RXRA: variants seen among roughly 807,000 people sequenced by gnomAD.
The protein encoded by RXRA is retinoid X receptor alpha.
Under a neutral mutation model 44.5 loss-of-function variants are expected in RXRA, and 5 were observed. That is an observed-to-expected ratio of 0.11 (90% CI 0.06 to 0.24). The LOEUF is 0.24. Ranked by LOEUF, RXRA falls within the 10% of genes least tolerant of loss-of-function variation. The pLI is 1.00. For synonymous variants in RXRA, 291 were observed against 271.4 expected (o/e 1.07, Z -0.71); for missense variants, 412 against 646.5 (o/e 0.64, Z 3.93).
chr9:134,428,503 G>A (rs1421422804), intron 6 of RXRA, among the ~76,000 whole-genome samples: 7 of 89,102 alleles, frequency 7.9e-5, no homozygotes, highest in Admixed American at 3.2e-4. Flanking sequence ...AGGGGCTGCT[G>A]TTACCTAACC....
chr9:134,402,411 C>A (rs1830979181), intron 2 of RXRA: 1 of 154,140 alleles, frequency 6.5e-6, no homozygotes, highest in African/African-American at 2.4e-5. Flanking sequence ...TCTCGGCTCC[C>A]CCACGGCTCT....
At chr9:134,392,181 G>A (rs1253226913) in intron 1 of RXRA, among the ~76,000 whole-genome samples, 1 of 152,200 alleles carries the variant, frequency 6.6e-6, no homozygotes, top group Non-Finnish European at 1.5e-5. Context: ...GCTTCCTGGT[G>A]GCCCCACGCC....
chr9:134,411,561 C>T (rs1831149120), intron 4 of RXRA, among the ~76,000 whole-genome samples: 1 of 152,254 alleles, frequency 6.6e-6, no homozygotes, highest in African/African-American at 2.4e-5. Flanking sequence ...GTCCTTCCTG[C>T]TTCCAGTCCT....
At chr9:134,327,780 G>A (rs782690766) in intron 1 of RXRA, among the ~76,000 whole-genome samples, 9 of 152,060 alleles carry the variant, frequency 5.9e-5, no homozygotes, top group Admixed American at 1.3e-4. Context: ...TGGATGTGAG[G>A]GTGAGAGTCT....
rs1464359441 is a variant in RXRA at position 134,417,674 on chromosome 9, G to T, written c.780+347G>T. 1.3e-5 allele frequency among the ~76,000 whole-genome samples: 2 copies of T among 152,128 alleles called. No homozygotes were observed. The highest frequency in any genetic ancestry group is 3.9e-4 in the East Asian group (2 of 5,186). On this transcript the variant is annotated intron_variant, in intron 5 of 9. Transcript: ENST00000481739. This position sits in a 1 kb window ranked among gnomAD's most constrained non-coding sequence, Gnocchi z 6.1. ...GAGTTTGGCCTGTCTCGGTGCAGAG[G>T]CTGTCCCTGCTCCCCGGTGCCACTT...
intron 1 of RXRA, among the ~76,000 whole-genome samples, chr9:134,401,023 C>T (rs34488070): frequency 1.9e-4 from 29 of 152,210 alleles, no homozygotes; most frequent in South Asian, 2.1e-4. Flanking sequence ...GGTCAGCAGG[C>T]GCCGCCAGTC....
intron 7 of RXRA, among the ~76,000 whole-genome samples, chr9:134,431,327 G>A (rs1400873416): frequency 6.6e-6 from 1 of 152,260 alleles, no homozygotes; most frequent in Non-Finnish European, 1.5e-5. Context: ...GGAGGGAGCT[G>A]GCGGGCTTTC....
intron 1 of RXRA, among the ~76,000 whole-genome samples, chr9:134,391,145 A>T (rs1055365493): frequency 6.6e-6 from 1 of 152,170 alleles, no homozygotes; most frequent in African/African-American, 2.4e-5. Context: ...GGCCGGCCCC[A>T]TGCCAGGCCC....
intron 1 of RXRA, among the ~76,000 whole-genome samples, chr9:134,345,260 T>C (rs530273832): frequency 7.2e-5 from 11 of 152,324 alleles, no homozygotes; most frequent in African/African-American, 2.4e-4. Flanking sequence ...AGCCCACGGC[T>C]GTGCTGGCTC....
intron 1 of RXRA, among the ~76,000 whole-genome samples, chr9:134,362,172 G>A (rs72619345): frequency 0.034 from 5,235 of 152,232 alleles, 133 homozygotes; most frequent in South Asian, 0.075. Flanking sequence ...AGGAGTGAGC[G>A]GCACTTGTCC....
At chr9:134,374,200 G>C (rs1830524521) in intron 1 of RXRA, 1 of 152,276 alleles carries the variant, frequency 6.6e-6, no homozygotes, top group Admixed American at 6.5e-5. Flanking sequence ...GATGCCCAAG[G>C]CCCTACCCAG....
chr9:134,333,468 C>T (rs1020813916), intron 1 of RXRA, among the ~76,000 whole-genome samples: 3 of 152,090 alleles, frequency 2.0e-5, no homozygotes, highest in Admixed American at 6.5e-5. Context: ...TGGGTGTCGG[C>T]GCAGACTGCT....
intron 1 of RXRA, among the ~76,000 whole-genome samples, chr9:134,331,401 C>T (rs1320502952): frequency 2.0e-5 from 3 of 152,200 alleles, no homozygotes; most frequent in Non-Finnish European, 2.9e-5. Context: ...GTGCGGACCG[C>T]GTGCAGGGCT....
At chr9:134,424,928 G>T in intron 6 of RXRA, 1 of 985,472 alleles carries the variant, frequency 1.0e-6, no homozygotes, top group South Asian at 4.7e-5. Context: ...GCCACTGAGT[G>T]CTCCCCCATT....
chr9:134,414,695 A>G (rs1312253008), intron 4 of RXRA, among the ~76,000 whole-genome samples: 1 of 152,198 alleles, frequency 6.6e-6, no homozygotes, highest in African/African-American at 2.4e-5. Context: ...AGTGCCAGCT[A>G]TGTCTTGGCA....
At position 134,365,899 on chromosome 9, in the gene RXRA, C is replaced by T. The variant is rs1830408837; in HGVS notation, c.29-35733C>T. Among the ~76,000 whole-genome samples the T allele has an allele frequency of 6.6e-6, 1 of 151,914 alleles. No homozygotes were observed. Among genetic ancestry groups the T allele is most frequent in the African/African-American group, 2.4e-5 (1 of 41,328 alleles). Reference sequence around the variant, plus strand: ...GGAGGGTTCCTGGGCTGGGATTGGCCGTCGGGGAGGTGCACACAGACGCTC... The same window carrying T: ...GGAGGGTTCCTGGGCTGGGATTGGCTGTCGGGGAGGTGCACACAGACGCTC... On this transcript the variant is annotated intron_variant, in intron 1 of 9. Coordinates refer to ENST00000481739, the MANE Select transcript of RXRA (RefSeq NM_002957.6). This position sits in a 1 kb window ranked among gnomAD's most constrained non-coding sequence, Gnocchi z 4.0.
At chr9:134,408,826 C>G in intron 3 of RXRA, 114 bp from the exon 4 acceptor site, 1 of 973,784 alleles carries the variant, frequency 1.0e-6, no homozygotes, top group Admixed American at 2.8e-5. Flanking sequence ...TGGAGACCAG[C>G]AGGTCCCTTT....
At chr9:134,382,278 TGTG>T (rs1422997985) in intron 1 of RXRA, among the ~76,000 whole-genome samples, 7 of 151,738 alleles carry the variant, frequency 4.6e-5, no homozygotes, top group African/African-American at 7.3e-5. Flanking sequence ...GGTGTGTGTG[TGTG>T]TGTGTGTGTG....
At chr9:134,377,957 G>GCCGA (rs1830583363) in intron 1 of RXRA, among the ~76,000 whole-genome samples, 3 of 152,246 alleles carry the variant, frequency 2.0e-5, no homozygotes, top group African/African-American at 7.2e-5. Flanking sequence ...GTGCGGAAGG[G>GCCGA]CCGAGCTGGG....
Sources: gnomAD v4.1 joint callset for allele counts (sites outside exome capture counted in the v4.1 genomes callset) on GRCh38, gnomAD v4.1.1 for gene constraint, Gnocchi (gnomAD v3.1) non-coding constraint, MANE v1.5 for transcripts, NCBI Gene and HGNC (gene_info 2026-07-23, HGNC 2026-07-21) for gene names.